Variants in PDC observed in about 807,000 individuals in gnomAD.
PDC encodes phosducin.
A neutral mutation model predicts 22.2 loss-of-function variants in PDC; 19 were observed. That is an observed-to-expected ratio of 0.86 (90% CI 0.60 to 1.26). The LOEUF is 1.26. PDC is among the 50% of genes most tolerant of loss of function. The probability of loss-of-function intolerance (pLI) is 0.00; values close to 1 mark genes in which losing one functional copy is unlikely to be tolerated. For synonymous variants in PDC, 97 were observed against 96.2 expected (o/e 1.01, Z -0.05); for missense variants, 274 against 286.8 (o/e 0.96, Z 0.32).
rs1558121554 is a variant in PDC at position 186,444,212 on chromosome 1, T to C, written c.508A>G (p.Ile170Val). The change falls in exon 4 of 4, where the codon ATA (isoleucine) becomes GTA (valine). Residue 170 changes from isoleucine to valine, a missense_variant. Transcript: ENST00000391997. Reference sequence around the variant, plus strand: ...CCAGCACCTGTATTCGAAGCTTTTATTTTACAAAACTTAACTATAGGGTAT... The same window carrying C: ...CCAGCACCTGTATTCGAAGCTTTTACTTTACAAAACTTAACTATAGGGTAT... ...AEYPIVKFCK[I>V]KASNTGAGDR... The C allele has an allele frequency of 1.2e-6, 2 of 1,614,026 alleles. No homozygotes were observed. The highest frequency in any genetic ancestry group is 1.7e-6 in the Non-Finnish European group (2 of 1,179,920).
chr1:186,453,583 C>A (rs1442686555), intron 1 of PDC, among the ~76,000 whole-genome samples: 1 of 152,190 alleles, frequency 6.6e-6, no homozygotes, highest in East Asian at 1.9e-4. Flanking sequence ...AGACTGACTT[C>A]TCTCCTAGCA....
At position 186,444,317 on chromosome 1, in the gene PDC, T is replaced by C; in HGVS notation, c.403A>G (p.Thr135Ala). The change falls in exon 4 of 4, where the codon ACA (threonine) becomes GCA (alanine). Residue 135 changes from threonine (T) to alanine (A), a missense_variant. Coordinates refer to ENST00000391997, the MANE Select transcript of PDC (RefSeq NM_002597.5). ...ETIEKELKIT[T>A]IVVHIYEDGI... ...TCTTCATAAATGTGAACAACAATTG[T>C]GGTGATCTTCAGTTCCTTTTCAATT... 1 of 1,613,926 alleles carries C rather than the reference T, an allele frequency of 6.2e-7. No homozygotes were observed. Among genetic ancestry groups the C allele is most frequent in the Non-Finnish European group, 8.5e-7 (1 of 1,179,820 alleles).
At chr1:186,456,963 A>G (rs557036801) in intron 1 of PDC, among the ~76,000 whole-genome samples, 2 of 152,332 alleles carry the variant, frequency 1.3e-5, no homozygotes, top group African/African-American at 4.8e-5. Context: ...ACTTCATTCT[A>G]TTGCTAGAAA....
chr1:186,446,504 G>T lies in PDC; in HGVS notation c.135C>A (p.Ser45Arg), dbSNP rs201823027. The T allele has an allele frequency of 1.2e-5, 20 of 1,603,572 alleles. No homozygotes were observed. In the East Asian group the frequency reaches 3.1e-4, roughly 25 times the overall value. ...ESQDSDSIPP[S>R]KKEILRQMSS... ...ACATTTGCCTGAGAATCTCCTTCTT[G>T]CTAGGTGGAATTGAATCACTGTCTT... is the stretch of plus-strand genomic sequence containing the variant. The change falls in exon 3 of 4, where the codon AGC (serine) becomes AGA (arginine). Residue 45 changes from serine (S) to arginine (R), a missense_variant. Ser to Arg is a moderately radical substitution (Grantham distance 110). Transcript: ENST00000391997.
At chr1:186,445,554 C>T (rs1192293573) in intron 3 of PDC, among the ~76,000 whole-genome samples, 1 of 152,086 alleles carries the variant, frequency 6.6e-6, no homozygotes, top group Non-Finnish European at 1.5e-5. Flanking sequence ...TATGGGAGCT[C>T]ATGCCTGTAA....
intron 1 of PDC, among the ~76,000 whole-genome samples, chr1:186,454,648 A>T (rs945074314): frequency 6.6e-6 from 1 of 152,232 alleles, no homozygotes; most frequent in Non-Finnish European, 1.5e-5. Flanking sequence ...TGCATCAATT[A>T]TACATAAAAG....
At position 186,458,137 on chromosome 1, in the gene PDC, A is replaced by G. The variant is rs555567796; in HGVS notation, c.-25+2922T>C. 7.9e-5 allele frequency among the ~76,000 whole-genome samples: 12 copies of G among 151,956 alleles called. No homozygotes were observed. The South Asian group carries it at 2.1e-3, about 26-fold the overall frequency. ...CAGTAAAAAAAAATTTACTCTGGAAATATGAGCTTTAAAAGTCATAACTGA... is the reference window on the plus strand; with the variant it reads ...CAGTAAAAAAAAATTTACTCTGGAAGTATGAGCTTTAAAAGTCATAACTGA... On this transcript the variant is annotated intron_variant, in intron 1 of 3. Transcript: ENST00000391997.
intron 1 of PDC, among the ~76,000 whole-genome samples, chr1:186,455,766 C>T (rs1662448432): frequency 7.5e-6 from 1 of 133,228 alleles, no homozygotes; most frequent in South Asian, 2.4e-4. Flanking sequence ...TCGAGACCGT[C>T]CTGGCTAACA....
rs1263787513 is a variant in PDC, at chr1:186,459,756, A to G, written c.-25+1303T>C. Among the ~76,000 whole-genome samples, 10 of 60,360 alleles carry G rather than the reference A, an allele frequency of 1.7e-4. No individual in the cohort carries two copies. The South Asian group carries it at 3.1e-3, about 19-fold the overall frequency. 39.6% of individuals were successfully genotyped at this position (60,360 alleles called of 152,430 possible). ...ATGGACAATATGTGTGTGTGTGTAT[A>G]TATATATATATATATATATATATAT... On this transcript the variant is annotated intron_variant, in intron 1 of 3. Transcript: ENST00000391997.
In PDC at chr1:186,444,116, T is replaced by C. The variant is rs1482294321; in HGVS notation, c.604A>G (p.Ile202Val). 1 of 1,613,922 alleles carries C rather than the reference T, an allele frequency of 6.2e-7. No homozygotes were observed. Among genetic ancestry groups the C allele is most frequent in the Non-Finnish European group, 8.5e-7 (1 of 1,179,966 alleles). ...TCAGCAAACTGTTCAGCAACACTAA[T>C]AAAATTGCTTATGAGTTCCCCACCT... ...YKGGELISNF[I>V]SVAEQFAEEF... is the part of the protein sequence containing the mutation. The change falls in exon 4 of 4, where the codon ATT becomes GTT. Residue 202 changes from isoleucine to valine, a missense_variant. By Grantham distance (29) the Ile-to-Val change is conservative. Transcript: ENST00000391997.
intron 3 of PDC, among the ~76,000 whole-genome samples, chr1:186,446,225 G>A (rs753591326): frequency 3.9e-5 from 6 of 152,028 alleles, no homozygotes; most frequent in Non-Finnish European, 7.4e-5. Context: ...TCATGTATTC[G>A]TAACGAATTC....
At chr1:186,449,281 TA>T in intron 2 of PDC, 117 bp downstream of exon 2, 2 of 471,052 alleles carry the variant, frequency 4.2e-6, no homozygotes, top group Non-Finnish European at 7.2e-6. Context: ...TAGATTAGCA[TA>T]ACAATTTATA....
At chr1:186,456,072 A>G (rs1158595533) in intron 1 of PDC, among the ~76,000 whole-genome samples, 1 of 142,534 alleles carries the variant, frequency 7.0e-6, no homozygotes, top group Admixed American at 7.2e-5. Flanking sequence ...AATGCCAGTT[A>G]CTTATTTGGC....
intron 1 of PDC, among the ~76,000 whole-genome samples, chr1:186,456,233 T>C (rs1662468997): frequency 6.6e-6 from 1 of 151,734 alleles, no homozygotes; most frequent in South Asian, 2.1e-4. Context: ...CCAGGTCAGA[T>C]CAAGTAACTA....
chr1:186,455,767 C>G (rs1298089221), intron 1 of PDC, among the ~76,000 whole-genome samples: 12 of 130,936 alleles, frequency 9.2e-5, no homozygotes, highest in Non-Finnish European at 1.4e-4. Context: ...CGAGACCGTC[C>G]TGGCTAACAC....
chr1:186,445,806 GTAA>G (rs144627863), intron 3 of PDC, among the ~76,000 whole-genome samples: 1 of 151,788 alleles, frequency 6.6e-6, no homozygotes, highest in Non-Finnish European at 1.5e-5. Context: ...AATGATAATA[GTAA>G]TAATAATAAT....
intron 1 of PDC, among the ~76,000 whole-genome samples, chr1:186,455,086 G>A (rs1412084942): frequency 6.6e-6 from 1 of 152,120 alleles, no homozygotes; most frequent in African/African-American, 2.4e-5. Flanking sequence ...ACGAAATATA[G>A]ACTGTGTGGC....
At chr1:186,451,127 A>G (rs1443843777) in intron 1 of PDC, 1 of 152,142 alleles carries the variant, frequency 6.6e-6, no homozygotes, top group East Asian at 1.9e-4. Context: ...TTTGGTCTCA[A>G]CACTTGGACT....
chr1:186,459,752 G>GTATATATATA (rs56927589), intron 1 of PDC, among the ~76,000 whole-genome samples: 5,062 of 111,494 alleles, frequency 0.045, 171 homozygotes, highest in Admixed American at 0.066. Flanking sequence ...GTGTGTGTGT[G>GTATATATATA]TATATATATA....
Sources: allele counts gnomAD v4.1 joint callset (sites outside exome capture counted in the v4.1 genomes callset), GRCh38; gene constraint gnomAD v4.1.1; transcripts MANE v1.5; gene names NCBI Gene and HGNC (gene_info 2026-07-23, HGNC 2026-07-21).